Variants in RBFOX1 observed in about 807,000 individuals in gnomAD.
RBFOX1 encodes the protein RNA binding protein fox-1 homolog 1.
In RBFOX1, 8 loss-of-function variants were observed where a neutral mutation model predicts 57.7. The observed-to-expected ratio is 0.14, with a 90% CI of 0.08 to 0.25. The LOEUF is 0.25. RBFOX1 is among the 10% of genes least tolerant of loss of function. The probability of loss-of-function intolerance (pLI) is 1.00; values close to 1 mark genes in which losing one functional copy is unlikely to be tolerated. For missense variants in RBFOX1, 611 were observed against 548.5 expected (o/e 1.11, Z -1.14); for synonymous variants, 326 against 222.4 (o/e 1.47, Z -4.15).
intron 2 of RBFOX1, among the ~76,000 whole-genome samples, chr16:6,581,737 G>C (rs2153974323): frequency 6.6e-6 from 1 of 152,306 alleles, no homozygotes; most frequent in African/African-American, 2.4e-5. Flanking sequence ...TGTTTATGGA[G>C]GTCACCTGGA....
chr16:6,952,891 C>G (rs1253140509), intron 3 of RBFOX1, among the ~76,000 whole-genome samples: 3 of 152,068 alleles, frequency 2.0e-5, no homozygotes, highest in African/African-American at 4.8e-5. Flanking sequence ...AGGAGAAGGG[C>G]TTGAACCCAG....
intron 4 of RBFOX1, among the ~76,000 whole-genome samples, chr16:7,391,878 G>C (rs530163711): frequency 1.5e-4 from 23 of 152,134 alleles, no homozygotes; most frequent in South Asian, 1.3e-3. Flanking sequence ...TTTTACGTAG[G>C]CTGAGATTCC....
Position 7,034,396 on chromosome 16 carries a change from A to G in RBFOX1, c.-15-17661A>G, listed in dbSNP as rs561724233. The stretch of plus-strand genomic sequence containing the variant: ...AGGGGGCTGAGGTTGGAGATCATCA[A>G]TGCACCAGGGGTCTCGGGATGATGA... On this transcript the variant is annotated intron_variant, in intron 3 of 15. Coordinates refer to ENST00000550418, the MANE Select transcript of RBFOX1 (RefSeq NM_018723.4). Among the ~76,000 whole-genome samples the G allele has an allele frequency of 5.5e-4, 83 of 152,150 alleles. 1 individual carries two copies. The highest frequency in any genetic ancestry group is 1.8e-3 in the African/African-American group (73 of 41,544).
chr16:7,511,880 T>A (rs199723364), intron 4 of RBFOX1, among the ~76,000 whole-genome samples: 1 of 113,050 alleles, frequency 8.8e-6, no homozygotes, highest in Non-Finnish European at 1.9e-5. Context: ...TCTTAAAGCG[T>A]GAGATCTTGG....
At chr16:6,592,225 C>T (rs765658250) in intron 2 of RBFOX1, among the ~76,000 whole-genome samples, 3 of 152,284 alleles carry the variant, frequency 2.0e-5, no homozygotes, top group East Asian at 1.9e-4. Context: ...TAATAACTAC[C>T]AGCCATTGGG....
intron 1 of RBFOX1, among the ~76,000 whole-genome samples, chr16:5,407,553 C>A (rs1431751321): frequency 6.6e-6 from 1 of 151,954 alleles, no homozygotes; most frequent in Non-Finnish European, 1.5e-5. Context: ...CATAACAAGG[C>A]CTTTGGGCTT....
At chr16:7,127,294 T>C (rs551004869) in intron 4 of RBFOX1, among the ~76,000 whole-genome samples, 1 of 152,348 alleles carries the variant, frequency 6.6e-6, no homozygotes, top group African/African-American at 2.4e-5. Context: ...ATAGTACTTA[T>C]GATACTGTGT....
intron 3 of RBFOX1, among the ~76,000 whole-genome samples, chr16:6,991,287 G>C (rs1407766836): frequency 6.6e-6 from 1 of 152,068 alleles, no homozygotes; most frequent in East Asian, 1.9e-4. Flanking sequence ...GCAGTAGAGT[G>C]AGACCTTGTC....
At chr16:5,935,731 G>T (rs141640002) in intron 4 of RBFOX1, among the ~76,000 whole-genome samples, 246 of 152,302 alleles carry the variant, frequency 1.6e-3, no homozygotes, top group African/African-American at 5.6e-3. Context: ...AAATGACATG[G>T]ATCAAAGACC....
At chr16:7,055,611 G>T (rs1450715130) in intron 4 of RBFOX1, among the ~76,000 whole-genome samples, 2 of 152,180 alleles carry the variant, frequency 1.3e-5, no homozygotes, top group Non-Finnish European at 2.9e-5. Flanking sequence ...CGTCACTGCA[G>T]TCGTTTTCTT....
At chr16:5,608,179 T>A (rs1057462368) in intron 3 of RBFOX1, among the ~76,000 whole-genome samples, 1 of 152,172 alleles carries the variant, frequency 6.6e-6, no homozygotes, top group Non-Finnish European at 1.5e-5. Context: ...GCGCATACCT[T>A]GTGAATTGTC....
chr16:7,381,235 C>G (rs958902695), intron 4 of RBFOX1, among the ~76,000 whole-genome samples: 1 of 152,162 alleles, frequency 6.6e-6, no homozygotes, highest in African/African-American at 2.4e-5. Flanking sequence ...GTCTCTCAAA[C>G]CCAGGTGCAA....
chr16:7,248,676 C>G lies in RBFOX1; in HGVS notation c.27+196578C>G, dbSNP rs568789733. ...TAGTTGCTTATAGGAAATTCAAGTA[C>G]TGCAGATAAGCACCAAGAAAATTAG... On this transcript the variant is annotated intron_variant, in intron 4 of 15. Transcript: ENST00000550418. Among the ~76,000 whole-genome samples, 156 of 152,250 alleles carry G rather than the reference C, an allele frequency of 1.0e-3. 3 individuals carry two copies. In the South Asian group the frequency reaches 0.031, roughly 30 times the overall value.
chr16:7,390,044 A>G (rs922817988), intron 4 of RBFOX1, among the ~76,000 whole-genome samples: 15 of 152,178 alleles, frequency 9.9e-5, no homozygotes, highest in African/African-American at 3.6e-4. Context: ...CAGAAGGTGA[A>G]AACGAAGCAA....
rs148259779 is a variant in RBFOX1 at position 6,896,097 on chromosome 16, A to G, written c.-15-155960A>G. On this transcript the variant is annotated intron_variant, in intron 3 of 15. Coordinates refer to ENST00000550418, the MANE Select transcript of RBFOX1 (RefSeq NM_018723.4). ...GGACCAACCTGGCCAACATGGTGAA[A>G]CCCCATCTCTATTAAAACTACAAAT... Among the ~76,000 whole-genome samples the G allele has an allele frequency of 6.5e-3, 995 of 152,088 alleles. 12 individuals are homozygous for G. Among genetic ancestry groups the G allele is most frequent in the African/African-American group, 0.023 (950 of 41,474 alleles).
chr16:5,555,936 G>A (rs150781563), intron 2 of RBFOX1, among the ~76,000 whole-genome samples: 1,888 of 152,140 alleles, frequency 0.012, 50 homozygotes, highest in African/African-American at 0.043. Flanking sequence ...CGGGAGAATC[G>A]CTTGAACCCT....
At chr16:7,695,562 G>C (rs980671694) in intron 14 of RBFOX1, among the ~76,000 whole-genome samples, 1 of 148,400 alleles carries the variant, frequency 6.7e-6, no homozygotes, top group Admixed American at 6.9e-5. Context: ...CTGAGGCAGA[G>C]AATTGCTTGA....
intron 12 of RBFOX1, among the ~76,000 whole-genome samples, chr16:7,660,784 G>C (rs954841559): frequency 6.6e-6 from 1 of 152,286 alleles, no homozygotes; most frequent in South Asian, 2.1e-4. Flanking sequence ...TGGGCATGGG[G>C]CCCAGCCATC....
intron 2 of RBFOX1, among the ~76,000 whole-genome samples, chr16:6,421,757 G>T (rs542637775): frequency 6.6e-6 from 1 of 151,832 alleles, no homozygotes; most frequent in African/African-American, 2.4e-5. Context: ...TTTTCAATAC[G>T]CAGGTTTATC....
Sources: allele counts gnomAD v4.1 joint callset (sites outside exome capture counted in the v4.1 genomes callset), GRCh38; gene constraint gnomAD v4.1.1; transcripts MANE v1.5; gene names NCBI Gene and HGNC (gene_info 2026-07-23, HGNC 2026-07-21).